Variants in SFMBT2 observed in about 807,000 individuals in gnomAD.
The protein encoded by SFMBT2 is Scm like with four mbt domains 2.
SFMBT2 carries 38 observed loss-of-function variants against 110.1 expected under a neutral mutation model. The ratio of observed to expected loss-of-function variants is 0.35; its 90% CI spans 0.27 to 0.45. The LOEUF (loss-of-function observed/expected upper bound fraction) is 0.45, where lower values mean the gene tolerates loss of function less well. Ranked by LOEUF, SFMBT2 falls within the 20% of genes least tolerant of loss-of-function variation. The pLI, the probability that SFMBT2 is intolerant of heterozygous loss-of-function variation, is 1.00. For missense variants in SFMBT2, 1,011 were observed against 1,094.9 expected, an observed-to-expected ratio of 0.92 and a Z score of 1.08; for synonymous variants, 425 against 425.4, an observed-to-expected ratio of 1.00 and a Z score of 0.01.
chr10:7,256,387 T>C (rs959898066), intron 7 of SFMBT2, among the ~76,000 whole-genome samples: 5 of 152,260 alleles, frequency 3.3e-5, no homozygotes, highest in Admixed American at 2.0e-4. Flanking sequence ...TAAAAAGTGA[T>C]AGCTACTAAC....
chr10:7,312,728 G>A (rs186616970), intron 4 of SFMBT2, among the ~76,000 whole-genome samples: 7 of 152,208 alleles, frequency 4.6e-5, no homozygotes, highest in Admixed American at 3.3e-4. Flanking sequence ...GGGCGTTAGC[G>A]AATCACAATG....
At chr10:7,326,943 G>A (rs1251700497) in intron 4 of SFMBT2, among the ~76,000 whole-genome samples, 1 of 151,982 alleles carries the variant, frequency 6.6e-6, no homozygotes, top group Admixed American at 6.5e-5. Context: ...CAATTCTTTG[G>A]GTAATGTATT....
At chr10:7,230,447 C>T (rs1261496866) in intron 9 of SFMBT2, among the ~76,000 whole-genome samples, 2 of 152,160 alleles carry the variant, frequency 1.3e-5, no homozygotes, top group African/African-American at 4.8e-5. Flanking sequence ...GGATCAAAGC[C>T]TCATATTACT....
intron 7 of SFMBT2, 108 bp from the exon 8 acceptor site, chr10:7,248,757 G>A: frequency 1.2e-6 from 1 of 859,884 alleles, no homozygotes; most frequent in Non-Finnish European, 1.8e-6. Flanking sequence ...AAATCTTATG[G>A]AGACAATTAA....
intron 2 of SFMBT2, among the ~76,000 whole-genome samples, chr10:7,375,350 C>T (rs529052010): frequency 6.6e-6 from 1 of 152,228 alleles, no homozygotes; most frequent in East Asian, 1.9e-4. Context: ...TGAAACAAGG[C>T]TGACTTTACA....
Position 7,364,659 on chromosome 10 carries a change from T to C in SFMBT2, c.436+2990A>G, listed in dbSNP as rs113915412. Among the ~76,000 whole-genome samples the C allele has an allele frequency of 8.8e-3, 1,337 of 152,330 alleles. 21 individuals are homozygous for C. Among genetic ancestry groups the C allele is most frequent in the African/African-American group, 0.03 (1,255 of 41,558 alleles). ...CCAAGGGCCTTTCAAGATTCAAGTG[T>C]TAAACTTGAAGAGTGAGTCATGAAT... is the stretch of plus-strand genomic sequence containing the variant. On this transcript the variant is annotated intron_variant, in intron 4 of 20. Transcript: ENST00000397167.
Position 7,171,785 on chromosome 10 carries a change from G to A in SFMBT2, c.2415+110C>T. 1.7e-6 allele frequency: 2 copies of A among 1,159,104 alleles called. No individual in the cohort carries two copies. The highest frequency in any genetic ancestry group is 1.1e-6 in the Non-Finnish European group (1 of 892,152). The allele number at this position is 1,159,104 out of a possible 1,614,324, so 71.8% of individuals were successfully genotyped here. ...TTGGGAACTAGCTAGAGCAGCTGCT[G>A]CTGTTGGAGGTATTTTAAACAGGTT... is the stretch of plus-strand genomic sequence containing the variant. On this transcript the variant is annotated intron_variant, in intron 19 of 20. Coordinates refer to ENST00000397167, the MANE Select transcript of SFMBT2 (RefSeq NM_001387889.1). The surrounding 1 kb of genome is among the most constrained non-coding windows in gnomAD (Gnocchi z 4.9).
At position 7,185,640 on chromosome 10, in the gene SFMBT2, T is replaced by C. The variant is rs544858344; in HGVS notation, c.1808+2984A>G. Among the ~76,000 whole-genome samples the C allele has an allele frequency of 5.3e-5, 8 of 152,368 alleles. No homozygotes were observed. In the East Asian group the frequency reaches 7.7e-4, roughly 15 times the overall value. On this transcript the variant is annotated intron_variant, in intron 16 of 20. Coordinates refer to ENST00000397167, the MANE Select transcript of SFMBT2 (RefSeq NM_001387889.1). ...GAAATCCTACCAGGATATTTCCTCT[T>C]TAAATATTCTGAATAACTATAACAC...
chr10:7,206,018 G>A (rs1349088631), intron 11 of SFMBT2, 90 bp from the exon 12 acceptor site: 62 of 1,520,386 alleles, frequency 4.1e-5, no homozygotes, highest in Non-Finnish European at 5.2e-5. Flanking sequence ...TCCCTAACAT[G>A]GGGAAAAACA....
chr10:7,288,401 C>T (rs1254376412), intron 4 of SFMBT2, among the ~76,000 whole-genome samples: 2 of 152,184 alleles, frequency 1.3e-5, no homozygotes, highest in African/African-American at 2.4e-5. Context: ...CAAAATGTCA[C>T]CTTCCTTATT....
At chr10:7,372,771 C>G (rs1483786872) in intron 2 of SFMBT2, among the ~76,000 whole-genome samples, 1 of 152,250 alleles carries the variant, frequency 6.6e-6, no homozygotes, top group African/African-American at 2.4e-5. Context: ...AGCACTATTG[C>G]TCTGCCCCAA....
intron 11 of SFMBT2, among the ~76,000 whole-genome samples, chr10:7,211,278 C>T (rs1839339606): frequency 6.6e-6 from 1 of 152,100 alleles, no homozygotes; most frequent in African/African-American, 2.4e-5. Flanking sequence ...GTAGCTGTTG[C>T]CTGCTGCTAC....
At chr10:7,255,669 G>T (rs1840978893) in intron 7 of SFMBT2, among the ~76,000 whole-genome samples, 1 of 152,174 alleles carries the variant, frequency 6.6e-6, no homozygotes, top group African/African-American at 2.4e-5. Context: ...TGGTAAAAGT[G>T]GTTCTATCTA....
At chr10:7,296,511 A>G (rs994567742) in intron 4 of SFMBT2, among the ~76,000 whole-genome samples, 1 of 152,202 alleles carries the variant, frequency 6.6e-6, no homozygotes, top group Non-Finnish European at 1.5e-5. Context: ...TTCTTTCCTG[A>G]AGCAAAAGAA....
chr10:7,350,518 C>T (rs1004801418), intron 4 of SFMBT2, among the ~76,000 whole-genome samples: 1 of 152,158 alleles, frequency 6.6e-6, no homozygotes, highest in Non-Finnish European at 1.5e-5. Context: ...AATGTCTTCC[C>T]AAAGTGGCCA....
At position 7,172,531 on chromosome 10, in the gene SFMBT2, C is replaced by A; in HGVS notation, c.2115G>T (p.Arg705Ser). The A allele has an allele frequency of 1.2e-6, 2 of 1,614,204 alleles. No homozygotes were observed. The highest frequency in any genetic ancestry group is 1.3e-5 in the African/African-American group (1 of 75,068). ...CCGCGGTGAAGTCCACGGCAGAAGA[C>A]CTCCGTTTCTTCTGCACGAAAATGG... ...RKSIFVQKKR[R>S]SSAVDFTAGS... Residue 705 changes from arginine (R) to serine (S), a missense_variant, in exon 18 of 21, where the codon AGG becomes AGT. This residue lies in a region of SFMBT2 where 979 missense variants were observed against 1,016.1 expected (regional missense o/e 0.96). Transcript: ENST00000397167. The surrounding 1 kb of genome is among the most constrained non-coding windows in gnomAD (Gnocchi z 4.6).
At chr10:7,241,735 T>TG (rs1256188200) in intron 9 of SFMBT2, among the ~76,000 whole-genome samples, 1 of 152,234 alleles carries the variant, frequency 6.6e-6, no homozygotes, top group Non-Finnish European at 1.5e-5. Context: ...TCCATTTTCC[T>TG]GGTGAACTTC....
rs544765690 is a variant in SFMBT2 at position 7,317,505 on chromosome 10, G to C, written c.437-31551C>G. Among the ~76,000 whole-genome samples, 73 of 152,178 alleles carry C rather than the reference G, an allele frequency of 4.8e-4. No individual in the cohort carries two copies. In the South Asian group the frequency reaches 0.015, roughly 30 times the overall value. On this transcript the variant is annotated intron_variant, in intron 4 of 20. Coordinates refer to ENST00000397167, the MANE Select transcript of SFMBT2 (RefSeq NM_001387889.1). ...GAAAATACAAAATTAGCCAGGCGTG[G>C]TGGCGCATGCCTGTAATCCCAGCTA...
Position 7,283,998 on chromosome 10 carries a change from A to T in SFMBT2, c.678T>A (p.Thr226=). 1 of 1,610,682 alleles carries T rather than the reference A, an allele frequency of 6.2e-7. No homozygotes were observed. Among genetic ancestry groups the T allele is most frequent in the Non-Finnish European group, 8.5e-7 (1 of 1,176,734 alleles). Residue 226 remains threonine, a synonymous_variant, in exon 6 of 21, where the codon ACT becomes ACA. Transcript: ENST00000397167. ...AAAACAACCACTGGTCATAGGATTC[A>T]GTGTCCTCCAATCCCACATAGCGAA... The part of the protein sequence containing the change: ...LRLRYVGLED[T]ESYDQWLFYL...
Sources: allele counts gnomAD v4.1 joint callset (sites outside exome capture counted in the v4.1 genomes callset), GRCh38; gene constraint gnomAD v4.1.1; regional missense constraint gnomAD v4.1.1; non-coding constraint Gnocchi (gnomAD v3.1); transcripts MANE v1.5; gene names NCBI Gene and HGNC (gene_info 2026-07-23, HGNC 2026-07-21).